Variants in KPNA7 observed in about 807,000 individuals in gnomAD.
The protein encoded by KPNA7 is karyopherin subunit alpha 7.
In KPNA7, 54 loss-of-function variants were observed where a neutral mutation model predicts 53.7. That is an observed-to-expected ratio of 1.01 (90% confidence interval 0.81 to 1.26). The LOEUF (loss-of-function observed/expected upper bound fraction) is 1.26, where lower values mean the gene tolerates loss of function less well. Among genes scored for constraint, KPNA7 ranks in the 50% most tolerant of loss-of-function variants. KPNA7 has a pLI of 0.00. For missense variants in KPNA7, 640 were observed against 644.5 expected (o/e 0.99, Z 0.07); for synonymous variants, 276 against 259.3 (o/e 1.06, Z -0.62).
At chr7:99,161,218 A>G in the KPNA7 span, among the ~76,000 whole-genome samples, 1 of 119,108 alleles carries the variant, frequency 8.4e-6, no homozygotes, top group East Asian at 2.6e-4. Context: ...TCCCATGTAC[A>G]CAAACTCTCT....
intron 6 of KPNA7, among the ~76,000 whole-genome samples, chr7:99,192,546 G>A (rs953307877): frequency 2.6e-5 from 4 of 152,150 alleles, no homozygotes; most frequent in African/African-American, 9.7e-5. Context: ...CTGAGTAGCT[G>A]AGACTACAGG....
chr7:99,170,726 C>T (rs1460252023), downstream of KPNA7, among the ~76,000 whole-genome samples: 2 of 152,142 alleles, frequency 1.3e-5, no homozygotes, highest in African/African-American at 2.4e-5. Context: ...CAGGACAGCA[C>T]ATTTAAGAAT....
chr7:99,170,470 G>GGA (rs1554458740), downstream of KPNA7, among the ~76,000 whole-genome samples: 3 of 150,956 alleles, frequency 2.0e-5, no homozygotes, highest in Non-Finnish European at 3.0e-5. Context: ...GTTTCAGTGG[G>GGA]AAAAAAAAAT....
At chr7:99,200,274 G>A (rs1174287309) in intron 3 of KPNA7, among the ~76,000 whole-genome samples, 3 of 152,132 alleles carry the variant, frequency 2.0e-5, no homozygotes, top group Non-Finnish European at 4.4e-5. Flanking sequence ...CTCAGCTCAA[G>A]TGATCCTCCT....
chr7:99,209,173 C>G (rs912477702), upstream of KPNA7, among the ~76,000 whole-genome samples: 1 of 151,704 alleles, frequency 6.6e-6, no homozygotes. Flanking sequence ...GAAAAGAAGG[C>G]TTTCACACGG....
At chr7:99,146,703 CTG>C in the KPNA7 span, among the ~76,000 whole-genome samples, 2 of 106,976 alleles carry the variant, frequency 1.9e-5, no homozygotes, top group Non-Finnish European at 3.4e-5. Flanking sequence ...TAGAGCGAGA[CTG>C]TGTCTTAAAA....
At chr7:99,215,794 A>AC (rs1485128707) in intron 1 of KPNA7, among the ~76,000 whole-genome samples, 1 of 151,832 alleles carries the variant, frequency 6.6e-6, no homozygotes. Context: ...ACACAGTGAG[A>AC]CCCCATCTCT....
chr7:99,207,489 C>T lies in KPNA7; in HGVS notation c.-23G>A. The T allele has an allele frequency of 2.0e-6, 3 of 1,534,452 alleles. No homozygotes were observed. The highest frequency in any genetic ancestry group is 2.7e-6 in the Non-Finnish European group (3 of 1,131,532). On this transcript the variant is annotated splice_region_variant and 5_prime_UTR_variant, in exon 2 of 11. Transcript: ENST00000327442. ...CATATTGACTGGAAGTAGTAAGTTA[C>T]CTGCAGGTTGGACAGCAACAAAGAA... is the stretch of plus-strand genomic sequence containing the variant.
At chr7:99,146,265 T>C in the KPNA7 span, among the ~76,000 whole-genome samples, 10,818 of 152,204 alleles carry the variant, frequency 0.071, 1,240 homozygotes, top group African/African-American at 0.24. Context: ...GGTTCTTCGT[T>C]GGCTTGACTG....
chr7:99,214,125 A>G (rs1791143873), intron 1 of KPNA7, among the ~76,000 whole-genome samples: 1 of 152,070 alleles, frequency 6.6e-6, no homozygotes, highest in African/African-American at 2.4e-5. Context: ...AGGTCTAATT[A>G]GGAAAGCATG....
chr7:99,177,844 C>G (rs1798969640), intron 10 of KPNA7, 76 bp downstream of exon 10: 1 of 1,472,232 alleles, frequency 6.8e-7, no homozygotes. Flanking sequence ...ACAGCCCAGG[C>G]CCCGGCAGGG....
At chr7:99,213,651 C>T (rs113584853) in intron 1 of KPNA7, among the ~76,000 whole-genome samples, 5,347 of 151,978 alleles carry the variant, frequency 0.035, 124 homozygotes, top group Non-Finnish European at 0.055. Context: ...TACTCTGTCA[C>T]CCAGGTTGGG....
intron 9 of KPNA7, among the ~76,000 whole-genome samples, chr7:99,180,665 CTGTG>C (rs56410160): frequency 0.36 from 28,971 of 80,272 alleles, 8,346 homozygotes; most frequent in East Asian, 0.53. Flanking sequence ...CTCTCCCCAT[CTGTG>C]TGTGTGTCTC....
intron 9 of KPNA7, among the ~76,000 whole-genome samples, chr7:99,180,718 TCC>T (rs1563067894): frequency 7.2e-6 from 1 of 138,436 alleles, no homozygotes; most frequent in African/African-American, 2.8e-5. Flanking sequence ...TCTCTCTCTC[TCC>T]GTCTGTGTCT....
chr7:99,164,609 T>C, the KPNA7 span, among the ~76,000 whole-genome samples: 1 of 146,042 alleles, frequency 6.8e-6, no homozygotes, highest in South Asian at 2.2e-4. Flanking sequence ...ATTGTGCACA[T>C]GTACCCTAAA....
At chr7:99,195,026 A>G (rs1790152367) in intron 5 of KPNA7, 44 bp downstream of exon 5, 1 of 1,540,266 alleles carries the variant, frequency 6.5e-7, no homozygotes, top group South Asian at 1.2e-5. Context: ...AGTATCCCAC[A>G]CACCTGGCCC....
chr7:99,157,923 T>C, the KPNA7 span, among the ~76,000 whole-genome samples: 3 of 150,572 alleles, frequency 2.0e-5, no homozygotes, highest in East Asian at 3.9e-4. Flanking sequence ...TACAGGCAGG[T>C]GCTACCACAC....
downstream of KPNA7, among the ~76,000 whole-genome samples, chr7:99,169,144 C>T (rs906576770): frequency 6.6e-6 from 1 of 151,558 alleles, no homozygotes; most frequent in African/African-American, 2.4e-5. Context: ...GACAGAGAGA[C>T]TCCCTGTCTC....
chr7:99,203,390 C>T, intron 2 of KPNA7, 150 bp from the exon 3 acceptor site: 1 of 686,890 alleles, frequency 1.5e-6, no homozygotes, highest in South Asian at 2.0e-5. Flanking sequence ...ATCATCTCAG[C>T]TCTGTTTACC....
Sources: gnomAD v4.1 joint callset for allele counts (sites outside exome capture counted in the v4.1 genomes callset) on GRCh38, gnomAD v4.1.1 for gene constraint, MANE v1.5 for transcripts, NCBI Gene and HGNC (gene_info 2026-07-23, HGNC 2026-07-21) for gene names.